PHKB: variants seen among roughly 807,000 people sequenced by gnomAD.
PHKB encodes phosphorylase kinase regulatory subunit beta.
Under a neutral mutation model 152.1 loss-of-function variants are expected in PHKB, and 122 were observed. The observed-to-expected ratio is 0.80, with a 90% CI of 0.69 to 0.93. PHKB has a LOEUF of 0.93. PHKB is among the 40% of genes least tolerant of loss of function. The pLI is 0.00. For synonymous variants in PHKB, 436 were observed against 464.9 expected (o/e 0.94, Z 0.80); for missense variants, 1,304 against 1,328.4 (o/e 0.98, Z 0.29).
intron 4 of PHKB, among the ~76,000 whole-genome samples, chr16:47,506,970 A>G (rs1970431038): frequency 6.6e-6 from 1 of 152,106 alleles, no homozygotes; most frequent in African/African-American, 2.4e-5. Flanking sequence ...TGGTTTTTTT[A>G]TTGTTGTTTG....
chr16:47,628,545 A>T (rs1201166383), intron 14 of PHKB, among the ~76,000 whole-genome samples: 1 of 152,182 alleles, frequency 6.6e-6, no homozygotes, highest in Non-Finnish European at 1.5e-5. Flanking sequence ...AAAATAAATA[A>T]ATAAAAATAA....
rs140656835 is a variant in PHKB at position 47,598,435 on chromosome 16, A to G, written c.1363+1904A>G. Among the ~76,000 whole-genome samples, 236 of 152,326 alleles carry G rather than the reference A, an allele frequency of 1.5e-3. 4 individuals carry two copies. The East Asian group carries it at 0.017, about 11-fold the overall frequency. On this transcript the variant is annotated intron_variant, in intron 13 of 30. Coordinates refer to ENST00000323584, the MANE Select transcript of PHKB (RefSeq NM_000293.3). ...ATCTTCCCATGACCTCTCTGTTCAT[A>G]GAAATATCATCTTTGAAATAACCTG...
intron 13 of PHKB, among the ~76,000 whole-genome samples, chr16:47,603,424 C>T (rs988496960): frequency 6.6e-6 from 1 of 151,760 alleles, no homozygotes; most frequent in Non-Finnish European, 1.5e-5. Context: ...TTATAAACAT[C>T]GGGAAGCACA....
chr16:47,546,717 G>C (rs994471221), intron 6 of PHKB, among the ~76,000 whole-genome samples: 2 of 152,144 alleles, frequency 1.3e-5, no homozygotes, highest in Admixed American at 6.5e-5. Context: ...CCCACAAGTG[G>C]AGTCTACAGA....
chr16:47,522,650 ATTC>A (rs1176918000), intron 6 of PHKB, among the ~76,000 whole-genome samples: 2 of 150,270 alleles, frequency 1.3e-5, no homozygotes, highest in Non-Finnish European at 3.0e-5. Flanking sequence ...ACTTGAGATC[ATTC>A]TTCTTTTTAA....
At chr16:47,484,951 T>A (rs774558400) in intron 1 of PHKB, among the ~76,000 whole-genome samples, 1 of 152,202 alleles carries the variant, frequency 6.6e-6, no homozygotes, top group Non-Finnish European at 1.5e-5. Context: ...AACAATGTGG[T>A]GTGTATCCTT....
intron 6 of PHKB, among the ~76,000 whole-genome samples, chr16:47,534,098 G>T (rs749248517): frequency 2.0e-5 from 3 of 152,230 alleles, no homozygotes; most frequent in Non-Finnish European, 4.4e-5. Flanking sequence ...GAAGGGGTGG[G>T]ACTCCCTCCT....
intron 13 of PHKB, among the ~76,000 whole-genome samples, chr16:47,606,894 C>T (rs566183747): frequency 1.3e-5 from 2 of 152,236 alleles, no homozygotes; most frequent in South Asian, 4.2e-4. Flanking sequence ...AATTTCCATC[C>T]TCGTTATACC....
chr16:47,500,096 G>C (rs1204157515), intron 3 of PHKB, among the ~76,000 whole-genome samples: 2 of 151,608 alleles, frequency 1.3e-5, no homozygotes, highest in African/African-American at 4.9e-5. Context: ...GCAATGCAGT[G>C]GCATGACCTT....
At chr16:47,654,507 G>A (rs1973297566) in intron 20 of PHKB, among the ~76,000 whole-genome samples, 1 of 152,156 alleles carries the variant, frequency 6.6e-6, no homozygotes, top group African/African-American at 2.4e-5. Flanking sequence ...GCACACATAT[G>A]TTTATTGCGA....
intron 20 of PHKB, among the ~76,000 whole-genome samples, chr16:47,659,281 T>G (rs1418111500): frequency 6.6e-6 from 1 of 152,252 alleles, no homozygotes; most frequent in Non-Finnish European, 1.5e-5. Context: ...GAGAAGGCAC[T>G]ACTATTCTGG....
intron 1 of PHKB, among the ~76,000 whole-genome samples, chr16:47,488,997 T>G (rs1283756169): frequency 2.6e-5 from 4 of 152,230 alleles, no homozygotes; most frequent in Non-Finnish European, 5.9e-5. Flanking sequence ...ATTGGTAGTT[T>G]GATAGGAGTA....
At chr16:47,586,456 T>C (rs569687866) in intron 8 of PHKB, among the ~76,000 whole-genome samples, 1 of 152,196 alleles carries the variant, frequency 6.6e-6, no homozygotes, top group Admixed American at 6.5e-5. Flanking sequence ...CTTGTCAGAT[T>C]TTAAAAAGAT....
At chr16:47,660,266 G>C (rs915240247) in intron 20 of PHKB, among the ~76,000 whole-genome samples, 1 of 152,032 alleles carries the variant, frequency 6.6e-6, no homozygotes, top group African/African-American at 2.4e-5. Flanking sequence ...ATCTCATGTT[G>C]ACCTATTTAT....
At chr16:47,594,427 A>G (rs1201541583) in intron 12 of PHKB, among the ~76,000 whole-genome samples, 1 of 152,236 alleles carries the variant, frequency 6.6e-6, no homozygotes, top group East Asian at 1.9e-4. Context: ...ATAGTTTGTC[A>G]GGTGGACTGA....
chr16:47,615,875 T>C (rs1435749253), intron 14 of PHKB, among the ~76,000 whole-genome samples: 1 of 152,238 alleles, frequency 6.6e-6, no homozygotes, highest in Admixed American at 6.5e-5. Context: ...TATCATTTAT[T>C]GAGCATTTAT....
intron 13 of PHKB, among the ~76,000 whole-genome samples, chr16:47,603,648 T>C (rs773647273): frequency 2.4e-4 from 36 of 151,828 alleles, no homozygotes; most frequent in Non-Finnish European, 1.3e-4. Context: ...GGGCTACAGG[T>C]GCTCACCACC....
intron 27 of PHKB, 77 bp downstream of exon 27, chr16:47,689,252 T>G: frequency 7.0e-7 from 1 of 1,424,526 alleles, no homozygotes; most frequent in Non-Finnish European, 9.9e-7. Flanking sequence ...GATATATCTA[T>G]GAAATTGATA....
chr16:47,664,375 G>A (rs1366804073), intron 24 of PHKB: 1 of 165,002 alleles, frequency 6.1e-6, no homozygotes, highest in African/African-American at 2.4e-5. Flanking sequence ...CAGAGCGTAT[G>A]TATAGATATA....
Sources: gnomAD v4.1 joint callset for allele counts (sites outside exome capture counted in the v4.1 genomes callset) on GRCh38, gnomAD v4.1.1 for gene constraint, MANE v1.5 for transcripts, NCBI Gene and HGNC (gene_info 2026-07-23, HGNC 2026-07-21) for gene names.